SPPL3: variants seen among roughly 807,000 people sequenced by gnomAD.
SPPL3 encodes the protein signal peptide peptidase-like 3.
A neutral mutation model predicts 42.4 loss-of-function variants in SPPL3; 5 were observed. The ratio of observed to expected loss-of-function variants is 0.12; its 90% confidence interval spans 0.06 to 0.25. The LOEUF is 0.25. SPPL3 is among the 10% of genes least tolerant of loss of function. The pLI, the probability that SPPL3 is intolerant of heterozygous loss-of-function variation, is 1.00. For synonymous variants in SPPL3, 195 were observed against 181.8 expected, an observed-to-expected ratio of 1.07 and a Z score of -0.58; for missense variants, 235 against 489.0, an observed-to-expected ratio of 0.48 and a Z score of 4.90.
intron 3 of SPPL3, 151 bp from the exon 4 acceptor site, chr12:120,784,744 C>T: frequency 1.9e-6 from 1 of 529,756 alleles, no homozygotes; most frequent in Non-Finnish European, 3.3e-6. Context: ...CTTTCTTTCC[C>T]AACGAGATTA....
chr12:120,782,604 T>G (rs1320779796), intron 6 of SPPL3, 51 bp downstream of exon 6: 5 of 1,334,446 alleles, frequency 3.7e-6, no homozygotes, highest in Non-Finnish European at 5.3e-6. Flanking sequence ...CTAAAGTATC[T>G]ATAAAACTCT....
chr12:120,788,958 A>G (rs979644748), intron 3 of SPPL3, among the ~76,000 whole-genome samples: 1 of 152,126 alleles, frequency 6.6e-6, no homozygotes, highest in Admixed American at 6.5e-5. Context: ...TCATCCTTTC[A>G]ATCTGTAATA....
chr12:120,872,450 T>C (rs1289959938), intron 1 of SPPL3, among the ~76,000 whole-genome samples: 1 of 152,104 alleles, frequency 6.6e-6, no homozygotes, highest in Non-Finnish European at 1.5e-5. Flanking sequence ...TGGAGACAAC[T>C]CCCAGGCTTC....
At chr12:120,885,389 G>A (rs1873420946) in intron 1 of SPPL3, among the ~76,000 whole-genome samples, 1 of 152,096 alleles carries the variant, frequency 6.6e-6, no homozygotes, top group Admixed American at 6.6e-5. Flanking sequence ...TCACAAATGG[G>A]CCCTGGGTCC....
chr12:120,830,624 T>C (rs1032913172), intron 1 of SPPL3, among the ~76,000 whole-genome samples: 3 of 110,434 alleles, frequency 2.7e-5, no homozygotes, highest in Non-Finnish European at 5.9e-5. Flanking sequence ...CATGCATATG[T>C]TGGGGAGAGC....
chr12:120,764,972 C>A lies in SPPL3; in HGVS notation c.*27G>T, dbSNP rs188546176. The stretch of plus-strand genomic sequence containing the variant: ...AGTTGAGAGAAAAGGACTATGACGG[C>A]CATCTGGTCACTTTCCACGTGATCC... On this transcript the variant is annotated 3_prime_UTR_variant, in exon 11 of 11. Transcript: ENST00000353487. The A allele has an allele frequency of 6.2e-7, 1 of 1,610,804 alleles. No individual in the cohort carries two copies. The highest frequency in any genetic ancestry group is 8.5e-7 in the Non-Finnish European group (1 of 1,178,220).
At chr12:120,865,831 G>A (rs1566064399) in intron 1 of SPPL3, among the ~76,000 whole-genome samples, 1 of 152,222 alleles carries the variant, frequency 6.6e-6, no homozygotes. Flanking sequence ...TGTAGGAGGA[G>A]ACAGGCAGGC....
chr12:120,825,959 T>A (rs955876531), intron 1 of SPPL3, among the ~76,000 whole-genome samples: 2 of 99,194 alleles, frequency 2.0e-5, no homozygotes, highest in Non-Finnish European at 5.7e-5. Context: ...CCAGGGTGTC[T>A]ATCTCTGGTG....
intron 1 of SPPL3, among the ~76,000 whole-genome samples, chr12:120,884,154 A>G (rs1307402099): frequency 6.6e-6 from 1 of 151,128 alleles, no homozygotes; most frequent in Non-Finnish European, 1.5e-5. Flanking sequence ...TAAAAAGCAA[A>G]GGGATGGTAA....
At chr12:120,889,784 T>C (rs1446854822) in intron 1 of SPPL3, among the ~76,000 whole-genome samples, 3 of 138,880 alleles carry the variant, frequency 2.2e-5, no homozygotes, top group Non-Finnish European at 4.9e-5. Flanking sequence ...TCCTACAAAT[T>C]AAATAGTGAT....
intron 10 of SPPL3, 120 bp downstream of exon 10, chr12:120,766,127 CACACACACACACACAG>C: frequency 3.3e-6 from 2 of 597,404 alleles, no homozygotes; most frequent in Non-Finnish European, 2.8e-6. Context: ...CACACACACA[CACACACACACACACAG>C]TCGAGATCAC....
At chr12:120,789,875 T>C (rs1258278907) in intron 3 of SPPL3, among the ~76,000 whole-genome samples, 2 of 150,140 alleles carry the variant, frequency 1.3e-5, no homozygotes, top group African/African-American at 4.9e-5. Flanking sequence ...AGGTAACTTC[T>C]TTCCACTGTA....
intron 1 of SPPL3, among the ~76,000 whole-genome samples, chr12:120,880,905 C>T (rs1226857229): frequency 1.3e-5 from 2 of 151,010 alleles, no homozygotes; most frequent in African/African-American, 2.4e-5. Context: ...GGACAAAGGA[C>T]GTGAATAAAC....
chr12:120,768,829 G>T, intron 7 of SPPL3, 124 bp downstream of exon 7: 2 of 799,178 alleles, frequency 2.5e-6, no homozygotes, highest in Non-Finnish European at 2.0e-6. Context: ...GTTAAGGACT[G>T]GAGAGAGAGT....
chr12:120,778,586 ACT>A (rs1566039148), intron 6 of SPPL3, among the ~76,000 whole-genome samples: 1 of 152,042 alleles, frequency 6.6e-6, no homozygotes, highest in African/African-American at 2.4e-5. Context: ...CCTGCCAACC[ACT>A]GAGCTGTTCT....
chr12:120,884,808 G>GGTTT lies in SPPL3; in HGVS notation c.23+19036_23+19037insAAAC, dbSNP rs35074232. Among the ~76,000 whole-genome samples the GGTTT allele has an allele frequency of 7.8e-4, 107 of 137,470 alleles. 1 individual carries two copies. The highest frequency in any genetic ancestry group is 2.9e-3 in the East Asian group (14 of 4,866). The allele number at this position is 137,470 out of a possible 152,430, so 90.2% of individuals were successfully genotyped here. A position where few individuals can be genotyped will look rare whatever the true frequency, so the allele number is the denominator to read the frequency against. On this transcript the variant is annotated intron_variant, in intron 1 of 10. Transcript: ENST00000353487. ...GAGTTTTTTTGGGTTTTTTTTTTGG[G>GGTTT]TTTTTTTTTTTTTTTGGCTTTCAGA...
intron 1 of SPPL3, among the ~76,000 whole-genome samples, chr12:120,841,424 AT>A (rs1871827485): frequency 1.1e-5 from 1 of 89,722 alleles, no homozygotes; most frequent in South Asian, 3.6e-4. Context: ...AGTTAAAAAA[AT>A]AGTTATATAT....
At chr12:120,838,222 G>A (rs1037951012) in intron 1 of SPPL3, among the ~76,000 whole-genome samples, 1 of 152,180 alleles carries the variant, frequency 6.6e-6, no homozygotes, top group Non-Finnish European at 1.5e-5. Flanking sequence ...GAATTTGGTA[G>A]GTTATCAGAT....
chr12:120,903,732 G>GGC, intron 1 of SPPL3, 113 bp downstream of exon 1: 1 of 385,022 alleles, frequency 2.6e-6, no homozygotes, highest in Non-Finnish European at 4.3e-6. Flanking sequence ...CCCAACCCGC[G>GGC]CCCCCCCCCC....
Sources: allele counts gnomAD v4.1 joint callset (sites outside exome capture counted in the v4.1 genomes callset), GRCh38; gene constraint gnomAD v4.1.1; transcripts MANE v1.5; gene names NCBI Gene and HGNC (gene_info 2026-07-23, HGNC 2026-07-21).